Variants in TNKS2 observed in about 807,000 individuals in gnomAD.
The protein encoded by TNKS2 is poly [ADP-ribose] polymerase tankyrase-2.
TNKS2 carries 72 observed loss-of-function variants against 137.6 expected under a neutral mutation model. The observed-to-expected ratio is 0.52, with a 90% CI of 0.43 to 0.64. The LOEUF (loss-of-function observed/expected upper bound fraction) is 0.64. Ranked by LOEUF, TNKS2 falls within the 30% of genes least tolerant of loss-of-function variation. The probability of loss-of-function intolerance (pLI) is 0.00; values close to 1 mark genes in which losing one functional copy is unlikely to be tolerated. For missense variants in TNKS2, 1,049 were observed against 1,410.2 expected (o/e 0.74, Z 4.10); for synonymous variants, 516 against 512.1 (o/e 1.01, Z -0.10).
intron 1 of TNKS2, among the ~76,000 whole-genome samples, chr10:91,805,973 T>A (rs563367986): frequency 9.9e-5 from 15 of 151,394 alleles, no homozygotes; most frequent in Admixed American, 6.6e-4. Context: ...AAGTCAGGGC[T>A]AATGACAGCA....
At chr10:91,803,693 G>A (rs1844244772) in intron 1 of TNKS2, among the ~76,000 whole-genome samples, 1 of 152,242 alleles carries the variant, frequency 6.6e-6, no homozygotes, top group African/African-American at 2.4e-5. Flanking sequence ...GTCACTGAGA[G>A]TCCTGGCTAA....
At position 91,863,735 on chromosome 10, in the gene TNKS2, G is replaced by A. The variant is rs1325055020; in HGVS notation, c.*736G>A. On this transcript the variant is annotated 3_prime_UTR_variant, in exon 27 of 27. Transcript: ENST00000371627. ...ACACATTCCAAAGAGCTCTAACTAT[G>A]ATAGGTCCTGATTACTAAAGAAGCT... The A allele has an allele frequency of 1.6e-4, 25 of 152,144 alleles. No individual in the cohort carries two copies. The highest frequency in any genetic ancestry group is 3.2e-3 in the Middle Eastern group (1 of 316). The allele number at this position is 152,144 out of a possible 1,614,324, so 9.4% of individuals were successfully genotyped here. A position where few individuals can be genotyped will look rare whatever the true frequency, so the allele number is the denominator to read the frequency against.
At chr10:91,826,740 C>A (rs1457419746) in intron 7 of TNKS2, among the ~76,000 whole-genome samples, 1 of 152,130 alleles carries the variant, frequency 6.6e-6, no homozygotes, top group African/African-American at 2.4e-5. Context: ...GCAAGAGGAG[C>A]ATTCATTCTT....
chr10:91,833,770 G>A (rs1770474), intron 11 of TNKS2, 83 bp from the exon 12 acceptor site: 2 of 1,115,884 alleles, frequency 1.8e-6, no homozygotes, highest in African/African-American at 1.6e-5. Context: ...AGACTTAAAA[G>A]TAGTAAAAAG....
intron 11 of TNKS2, among the ~76,000 whole-genome samples, chr10:91,833,112 T>C (rs1841872224): frequency 6.6e-6 from 1 of 152,200 alleles, no homozygotes. Flanking sequence ...TGCTGAATTT[T>C]GACTAGTATA....
Position 91,864,479 on chromosome 10 carries a change from C to T in TNKS2, c.*1480C>T, listed in dbSNP as rs893762759. On this transcript the variant is annotated 3_prime_UTR_variant, in exon 27 of 27. Transcript: ENST00000371627. The stretch of plus-strand genomic sequence containing the variant: ...CACTTAATGAGGACATTCCCCATCA[C>T]TGTCTGTACCAGTTCACCTTTATTT... The T allele has an allele frequency of 6.6e-6, 1 of 152,444 alleles. No individual in the cohort carries two copies. Among genetic ancestry groups the T allele is most frequent in the Non-Finnish European group, 1.5e-5 (1 of 68,024 alleles). The allele number at this position is 152,444 out of a possible 1,614,324, so 9.4% of individuals were successfully genotyped here.
chr10:91,855,045 A>C lies in TNKS2; in HGVS notation c.2832A>C (p.Leu944Phe). The C allele has an allele frequency of 6.2e-7, 1 of 1,605,890 alleles. No individual in the cohort carries two copies. Among genetic ancestry groups the C allele is most frequent in the Non-Finnish European group, 8.5e-7 (1 of 1,173,312 alleles). ...GTTTCATAGGTCTTAACCCATATTTAACTTTGAACACCTCTGGTAGTGGAA... is the reference window on the plus strand; with the variant it reads ...GTTTCATAGGTCTTAACCCATATTTCACTTTGAACACCTCTGGTAGTGGAA... ...ISGQQGLNPYLTLNTSGSGTI... is the reference protein window; with the variant it reads ...ISGQQGLNPYFTLNTSGSGTI... The change falls in exon 22 of 27, where the codon TTA becomes TTC. Residue 944 changes from leucine to phenylalanine, a missense_variant. By Grantham distance (22) the Leu-to-Phe change is conservative. Around this residue, in one of 6 missense-constraint regions of TNKS2, gnomAD observed 208 missense variants for 231.2 expected, o/e 0.90. Transcript: ENST00000371627.
intron 13 of TNKS2, among the ~76,000 whole-genome samples, chr10:91,840,146 C>T (rs1842165121): frequency 1.3e-5 from 2 of 152,186 alleles, no homozygotes; most frequent in South Asian, 4.1e-4. Flanking sequence ...TCAAGACCAT[C>T]CTGGCCAACA....
Position 91,807,227 on chromosome 10 carries a change from T to C in TNKS2, c.200-5756T>C, listed in dbSNP as rs565898428. 5 of 1,606,520 alleles carry C rather than the reference T, an allele frequency of 3.1e-6. No homozygotes were observed. In the African/African-American group the frequency reaches 6.7e-5, roughly 21 times the overall value. On this transcript the variant is annotated intron_variant, in intron 1 of 26. Transcript: ENST00000371627. Reference sequence around the variant, plus strand: ...TGCGGGCTTCCTTGGCTACCATAAGTCGCATTAGTTGACTGTGGAATTTCT... The same window carrying C: ...TGCGGGCTTCCTTGGCTACCATAAGCCGCATTAGTTGACTGTGGAATTTCT...
At chr10:91,804,337 C>A (rs989393022) in intron 1 of TNKS2, among the ~76,000 whole-genome samples, 12 of 152,164 alleles carry the variant, frequency 7.9e-5, no homozygotes, top group Non-Finnish European at 1.5e-4. Flanking sequence ...TTAATGTGGT[C>A]AACAAGTATA....
chr10:91,840,841 TC>T, intron 14 of TNKS2, 135 bp downstream of exon 14: 1 of 828,116 alleles, frequency 1.2e-6, no homozygotes, highest in Non-Finnish European at 1.8e-6. Flanking sequence ...AAATAGAGCT[TC>T]TTAATTTCAA....
chr10:91,859,678 G>T (rs1842800790), intron 25 of TNKS2, 30 bp downstream of exon 25: 1 of 1,585,776 alleles, frequency 6.3e-7, no homozygotes, highest in East Asian at 2.3e-5. Context: ...CATTTATTTT[G>T]GTGGTAATCA....
intron 2 of TNKS2, among the ~76,000 whole-genome samples, chr10:91,813,665 G>A (rs1564606347): frequency 6.6e-6 from 1 of 152,178 alleles, no homozygotes. Context: ...ATATTAGTAC[G>A]TGCAGGCAGT....
rs1314370554 is a variant in TNKS2 at position 91,810,680 on chromosome 10, T to G, written c.200-2303T>G. Among the ~76,000 whole-genome samples the G allele has an allele frequency of 4.6e-5, 7 of 150,950 alleles. No individual in the cohort carries two copies. In the East Asian group the frequency reaches 1.4e-3, roughly 31 times the overall value. On this transcript the variant is annotated intron_variant, in intron 1 of 26. Coordinates refer to ENST00000371627, the MANE Select transcript of TNKS2 (RefSeq NM_025235.4). ...ACAACGCCCAGCTAATTTTTTTTTTTTGTATTTTTAGTAGAGACAGGGTTT... is the reference window on the plus strand; with the variant it reads ...ACAACGCCCAGCTAATTTTTTTTTTGTGTATTTTTAGTAGAGACAGGGTTT...
chr10:91,837,813 C>G (rs778364696), intron 13 of TNKS2, among the ~76,000 whole-genome samples: 13 of 152,144 alleles, frequency 8.5e-5, no homozygotes, highest in Non-Finnish European at 1.8e-4. Context: ...AAATTCATTT[C>G]TCACAGAAAA....
At chr10:91,809,913 AT>A (rs1554834356) in intron 1 of TNKS2, among the ~76,000 whole-genome samples, 1 of 152,124 alleles carries the variant, frequency 6.6e-6, no homozygotes, top group Non-Finnish European at 1.5e-5. Context: ...GTGCTCAGGG[AT>A]ACAGGAATAT....
chr10:91,841,521 G>C, intron 15 of TNKS2, 73 bp downstream of exon 15: 1 of 1,282,814 alleles, frequency 7.8e-7, no homozygotes, highest in Non-Finnish European at 1.0e-6. Flanking sequence ...AATAATTCTA[G>C]TATAAAGTTA....
chr10:91,830,303 C>T (rs1466609181), intron 9 of TNKS2, among the ~76,000 whole-genome samples: 2 of 152,128 alleles, frequency 1.3e-5, no homozygotes, highest in Non-Finnish European at 2.9e-5. Context: ...CTGCAACCTC[C>T]ACCTCCCAGG....
Position 91,845,898 on chromosome 10 carries a change from T to C in TNKS2, c.2316T>C (p.Thr772=). The C allele has an allele frequency of 6.3e-7, 1 of 1,586,902 alleles. No individual in the cohort carries two copies. ...ALLLAHGADP[T]LKNQEGQTPL... ...TGCTAGCCCATGGAGCTGACCCGAC[T>C]CTTAAAAATCAGGAAGGACAAACAC... Residue 772 remains threonine (T), a synonymous_variant, in exon 18 of 27, where the codon ACT becomes ACC. Transcript: ENST00000371627.
Sources: allele counts gnomAD v4.1 joint callset (sites outside exome capture counted in the v4.1 genomes callset), GRCh38; gene constraint gnomAD v4.1.1; regional missense constraint gnomAD v4.1.1; transcripts MANE v1.5; gene names NCBI Gene and HGNC (gene_info 2026-07-23, HGNC 2026-07-21).